The following MAPK10 variants were observed in gnomAD, a reference collection of about 807,000 sequenced individuals.
MAPK10 encodes the protein mitogen-activated protein kinase 10, also known as JNK3 alpha protein kinase.
In MAPK10, 25 loss-of-function variants were observed where a neutral mutation model predicts 59.3. That is an observed-to-expected ratio of 0.42 (90% CI 0.31 to 0.59). The LOEUF (loss-of-function observed/expected upper bound fraction) is 0.59, where lower values mean the gene tolerates loss of function less well. Ranked by LOEUF, MAPK10 falls within the 20% of genes least tolerant of loss-of-function variation. The probability of loss-of-function intolerance (pLI) is 0.15; values close to 1 mark genes in which losing one functional copy is unlikely to be tolerated. For missense variants in MAPK10, 351 were observed against 568.9 expected (o/e 0.62, Z 3.90); for synonymous variants, 190 against 200.5 (o/e 0.95, Z 0.44).
At chr4:86,524,992 C>T (rs1025011189) in intron 1 of MAPK10, among the ~76,000 whole-genome samples, 31 of 151,076 alleles carry the variant, frequency 2.1e-4, no homozygotes, top group African/African-American at 7.5e-4. Flanking sequence ...GAATAATTAT[C>T]ATTGACATAA....
At chr4:86,478,658 T>C (rs183127299) in intron 1 of MAPK10, among the ~76,000 whole-genome samples, 29 of 152,296 alleles carry the variant, frequency 1.9e-4, no homozygotes, top group African/African-American at 6.3e-4. Flanking sequence ...GCCTCCCACA[T>C]TATTCCTGAT....
chr4:86,523,787 T>C lies in MAPK10; in HGVS notation c.-263+70123A>G, dbSNP rs544801820. 1.4e-4 allele frequency among the ~76,000 whole-genome samples: 21 copies of C among 152,300 alleles called. No individual in the cohort carries two copies. The East Asian group carries it at 3.5e-3, about 25-fold the overall frequency. ...ATCTCTCAAAGGCTCTAAATCTATA[T>C]CTCTAAATATCCGATGGTTATTTCA... On this transcript the variant is annotated intron_variant, in intron 1 of 4. Transcript: ENST00000502302.
chr4:86,256,980 A>G (rs60143176), intron 2 of MAPK10, among the ~76,000 whole-genome samples: 20,085 of 150,394 alleles, frequency 0.13, 1,327 homozygotes, highest in Middle Eastern at 0.16. Flanking sequence ...TCTCGATCTT[A>G]ACCTCATGAT....
At chr4:86,036,947 C>T (rs2040428679) in intron 11 of MAPK10, among the ~76,000 whole-genome samples, 1 of 152,148 alleles carries the variant, frequency 6.6e-6, no homozygotes, top group African/African-American at 2.4e-5. Flanking sequence ...AACTGAATTG[C>T]AATGTTTTTC....
chr4:86,541,323 C>A (rs766667238), intron 1 of MAPK10, among the ~76,000 whole-genome samples: 1 of 152,108 alleles, frequency 6.6e-6, no homozygotes, highest in Non-Finnish European at 1.5e-5. Context: ...CACTGCACTG[C>A]CCAGTGTCCA....
chr4:86,358,404 C>G, intron 1 of MAPK10: 1 of 984,326 alleles, frequency 1.0e-6, no homozygotes, highest in Non-Finnish European at 1.2e-6. Context: ...GAACTGTAGT[C>G]TATCCCATAT....
At chr4:86,456,383 A>C (rs1579285926), upstream of MAPK10, among the ~76,000 whole-genome samples, 1 of 152,160 alleles carries the variant, frequency 6.6e-6, no homozygotes, top group African/African-American at 2.4e-5. Flanking sequence ...TTATTTGAAA[A>C]GGTAAATAAG....
At chr4:86,237,696 T>A (rs1208321539) in intron 2 of MAPK10, among the ~76,000 whole-genome samples, 1 of 152,182 alleles carries the variant, frequency 6.6e-6, no homozygotes, top group African/African-American at 2.4e-5. Context: ...CACTTTTTGA[T>A]GGTTTTTTTA....
rs138326062 is a variant in MAPK10, at chr4:86,304,674, G to C, written c.-7+49856C>G. 7.4e-4 allele frequency among the ~76,000 whole-genome samples: 112 copies of C among 151,756 alleles called. 4 individuals are homozygous for C. The East Asian group carries it at 0.021, about 29-fold the overall frequency. On this transcript the variant is annotated intron_variant, in intron 2 of 13. Transcript: ENST00000641462. ...CCCAAAGTGCTGGGATTACAGGCGTGAGCCACCGCGCCCAGCCGTATTTCT... is the reference window on the plus strand; with the variant it reads ...CCCAAAGTGCTGGGATTACAGGCGTCAGCCACCGCGCCCAGCCGTATTTCT...
chr4:86,503,179 G>T (rs1564958118), intron 1 of MAPK10, among the ~76,000 whole-genome samples: 1 of 152,100 alleles, frequency 6.6e-6, no homozygotes, highest in Non-Finnish European at 1.5e-5. Context: ...TCTGAATTCT[G>T]TTAATGCAAC....
At chr4:86,360,276 A>G (rs1736664123), upstream of MAPK10, 1 of 848,552 alleles carries the variant, frequency 1.2e-6, no homozygotes, top group African/African-American at 1.8e-5. Context: ...CAACATCAGC[A>G]ACTACGACAT....
intron 1 of MAPK10, among the ~76,000 whole-genome samples, chr4:86,558,274 T>G (rs536425660): frequency 1.2e-4 from 18 of 152,254 alleles, no homozygotes; most frequent in Admixed American, 1.2e-3. Context: ...TATTTGATGT[T>G]TGAGAAATTT....
At chr4:86,094,414 T>A (rs377023643) in intron 9 of MAPK10, among the ~76,000 whole-genome samples, 1 of 152,002 alleles carries the variant, frequency 6.6e-6, no homozygotes, top group Non-Finnish European at 1.5e-5. Flanking sequence ...GGATATAATA[T>A]ACTTGAGGTC....
chr4:86,030,282 T>G (rs1248148558), intron 12 of MAPK10, among the ~76,000 whole-genome samples: 1 of 152,136 alleles, frequency 6.6e-6, no homozygotes, highest in Non-Finnish European at 1.5e-5. Flanking sequence ...TCTGGACCAG[T>G]GGAATCTCTT....
intron 1 of MAPK10, among the ~76,000 whole-genome samples, chr4:86,443,374 G>C (rs188651058): frequency 1.3e-5 from 2 of 152,234 alleles, no homozygotes; most frequent in African/African-American, 4.8e-5. Flanking sequence ...ACTTACTAGA[G>C]TTTTATCAGA....
chr4:86,249,672 T>C (rs1045585810), intron 2 of MAPK10, among the ~76,000 whole-genome samples: 15 of 152,182 alleles, frequency 9.9e-5, no homozygotes, highest in Non-Finnish European at 2.1e-4. Flanking sequence ...ACATGGGATA[T>C]AGTTTTTTGG....
chr4:86,449,008 TCTGACAGGAAGCAGAGCTCAGG>T lies in MAPK10; in HGVS notation c.-122+4000_-122+4021del, dbSNP rs552732979. ...TCTGAGAATCTAATGCCGCTGCTGA[TCTGACAGGAAGCAGAGCTCAGG>T]CGGTAATGCAAGCAACTGTAAATAC... is the stretch of plus-strand genomic sequence containing the variant. On this transcript the variant is annotated intron_variant, in intron 1 of 13. Transcript: ENST00000361569. 9.4e-3 allele frequency among the ~76,000 whole-genome samples: 1,434 copies of T among 152,254 alleles called. 6 individuals are homozygous for T. Among genetic ancestry groups the T allele is most frequent in the Non-Finnish European group, 0.014 (955 of 68,020 alleles).
At chr4:86,357,499 G>A (rs548280110) in intron 1 of MAPK10, 75 of 152,182 alleles carry the variant, frequency 4.9e-4, no homozygotes, top group African/African-American at 1.7e-3. Flanking sequence ...TCCTAACAAG[G>A]AAAATCTTAT....
chr4:86,529,571 C>G (rs1359922922), intron 1 of MAPK10, among the ~76,000 whole-genome samples: 1 of 152,146 alleles, frequency 6.6e-6, no homozygotes, highest in Admixed American at 6.5e-5. Flanking sequence ...AAGTTATTTG[C>G]TTCTTTTCAA....
Sources: allele counts gnomAD v4.1 joint callset (sites outside exome capture counted in the v4.1 genomes callset), GRCh38; gene constraint gnomAD v4.1.1; transcripts MANE v1.5; gene names NCBI Gene and HGNC (gene_info 2026-07-23, HGNC 2026-07-21).